The following BAZ2B variants were observed in gnomAD, a reference collection of about 807,000 sequenced individuals.
BAZ2B encodes the protein bromodomain adjacent to zinc finger domain 2B, also known as bromodomain adjacent to zinc finger domain protein 2B.
Under a neutral mutation model 246.0 loss-of-function variants are expected in BAZ2B, and 91 were observed. The observed-to-expected ratio is 0.37, with a 90% CI of 0.31 to 0.44. BAZ2B has a LOEUF of 0.44. Ranked by LOEUF, BAZ2B falls within the 20% of genes least tolerant of loss-of-function variation. The pLI, the probability that BAZ2B is intolerant of heterozygous loss-of-function variation, is 1.00. For missense variants in BAZ2B, 2,332 were observed against 2,533.7 expected, an observed-to-expected ratio of 0.92 and a Z score of 1.71; for synonymous variants, 855 against 860.0, an observed-to-expected ratio of 0.99 and a Z score of 0.10.
intron 2 of BAZ2B, among the ~76,000 whole-genome samples, chr2:159,550,791 C>T (rs1431871366): frequency 6.6e-6 from 1 of 150,632 alleles, no homozygotes; most frequent in Non-Finnish European, 1.5e-5. Context: ...TGTATCTCTA[C>T]AAAATTTAAG....
At position 159,320,295 on chromosome 2, in the gene BAZ2B, T is replaced by C; in HGVS notation, c.6477A>G (p.Lys2159=). 6.4e-7 allele frequency: 1 copy of C among 1,563,922 alleles called. No individual in the cohort carries two copies. The highest frequency in any genetic ancestry group is 1.4e-5 in the African/African-American group (1 of 71,226). ...TCACTTTGAAAGTATCTGTCCACTTTTTTTCAAAATACTTCCTCATATTGT... is the reference window on the plus strand; with the variant it reads ...TCACTTTGAAAGTATCTGTCCACTTCTTTTCAAAATACTTCCTCATATTGT... ...AGHNMRKYFE[K]KWTDTFKVS The change falls in exon 37 of 37, where the codon AAA becomes AAG. Residue 2159 remains lysine (K), a synonymous_variant. Coordinates refer to ENST00000392783, the MANE Select transcript of BAZ2B (RefSeq NM_013450.4).
chr2:159,642,569 T>C, the BAZ2B span, among the ~76,000 whole-genome samples: 1 of 152,126 alleles, frequency 6.6e-6, no homozygotes, highest in Non-Finnish European at 1.5e-5. Flanking sequence ...TGGGGGAAAT[T>C]ATAATTGTCC....
intron 1 of BAZ2B, among the ~76,000 whole-genome samples, chr2:159,595,165 T>TGACCTCGGCTCACCGC (rs1345265067): frequency 2.0e-5 from 3 of 151,960 alleles, no homozygotes; most frequent in Non-Finnish European, 4.4e-5. Context: ...TGCAATGGCA[T>TGACCTCGGCTCACCGC]GACCTCGGCT....
chr2:159,635,551 T>C, the BAZ2B span, among the ~76,000 whole-genome samples: 1 of 151,946 alleles, frequency 6.6e-6, no homozygotes, highest in Non-Finnish European at 1.5e-5. Flanking sequence ...TTGAAATGTA[T>C]GATGAAATTC....
At chr2:159,663,518 T>C in the BAZ2B span, among the ~76,000 whole-genome samples, 3 of 151,036 alleles carry the variant, frequency 2.0e-5, no homozygotes, top group East Asian at 5.8e-4. Context: ...CTAATGTTTT[T>C]TTTTTTTCTT....
At chr2:159,551,214 A>C (rs1259231185) in intron 2 of BAZ2B, among the ~76,000 whole-genome samples, 1 of 152,166 alleles carries the variant, frequency 6.6e-6, no homozygotes. Context: ...TCACGCCTAT[A>C]ATCCCAGCAC....
intron 1 of BAZ2B, among the ~76,000 whole-genome samples, chr2:159,579,971 G>T (rs1686334945): frequency 6.6e-6 from 1 of 152,148 alleles, no homozygotes; most frequent in South Asian, 2.1e-4. Flanking sequence ...CATACTGAAT[G>T]GGCAAAAACT....
At chr2:159,636,859 C>T in the BAZ2B span, among the ~76,000 whole-genome samples, 1 of 152,132 alleles carries the variant, frequency 6.6e-6, no homozygotes, top group Non-Finnish European at 1.5e-5. Flanking sequence ...AGCTCAATCA[C>T]AATAGGATAG....
chr2:159,334,901 T>G (rs2065369034), intron 33 of BAZ2B, among the ~76,000 whole-genome samples: 1 of 152,084 alleles, frequency 6.6e-6, no homozygotes, highest in Non-Finnish European at 1.5e-5. Flanking sequence ...GACTTAATCT[T>G]TTTTTTTCAG....
intron 2 of BAZ2B, among the ~76,000 whole-genome samples, chr2:159,505,418 G>A (rs1357367369): frequency 1.3e-5 from 2 of 152,174 alleles, no homozygotes; most frequent in Non-Finnish European, 2.9e-5. Context: ...GGGTGGGGAT[G>A]TAAGCATTAA....
In BAZ2B at chr2:159,412,540, C is replaced by T; in HGVS notation, c.2472G>A (p.Met824Ile). 6.2e-7 allele frequency: 1 copy of T among 1,612,552 alleles called. No individual in the cohort carries two copies. Among genetic ancestry groups the T allele is most frequent in the Non-Finnish European group, 8.5e-7 (1 of 1,179,142 alleles). ...CCTCTTCTTTCAAAAGACACCACTG[C>T]ATTCCCTTTTAATTAACATTTTATA... ...FYEARDGPQG[M>I]QWCLLKEEDV... Residue 824 changes from methionine to isoleucine, a missense_variant, in exon 14 of 37, where the codon ATG (methionine) becomes ATA (isoleucine). Coordinates refer to ENST00000392783, the MANE Select transcript of BAZ2B (RefSeq NM_013450.4).
chr2:159,447,649 A>G (rs2074444566), intron 5 of BAZ2B, among the ~76,000 whole-genome samples: 1 of 152,198 alleles, frequency 6.6e-6, no homozygotes, highest in Admixed American at 6.5e-5. Flanking sequence ...TACAGAGGAA[A>G]AAACAGTAGA....
chr2:159,526,788 A>C (rs1377184244), intron 2 of BAZ2B, among the ~76,000 whole-genome samples: 3 of 152,144 alleles, frequency 2.0e-5, no homozygotes, highest in Admixed American at 2.0e-4. Context: ...TTTAGTAAGG[A>C]GGTGAAACAC....
chr2:159,618,647 C>A (rs13395473), upstream of BAZ2B, among the ~76,000 whole-genome samples: 1 of 152,008 alleles, frequency 6.6e-6, no homozygotes, highest in African/African-American at 2.4e-5. Context: ...ATGGAATACA[C>A]TGATATTTCT....
At position 159,319,156 on chromosome 2, in the gene BAZ2B, T is replaced by C. The variant is rs992637260; in HGVS notation, c.*1109A>G. On this transcript the variant is annotated 3_prime_UTR_variant, in exon 37 of 37. Transcript: ENST00000392783. This position sits in a 1 kb window ranked among gnomAD's most constrained non-coding sequence, Gnocchi z 4.0. Reference sequence around the variant, plus strand: ...TCCAACAGGCCACCACAACACACAGTAGATAAAACACAGTGGTTACAAACG... The same window carrying C: ...TCCAACAGGCCACCACAACACACAGCAGATAAAACACAGTGGTTACAAACG... The C allele has an allele frequency of 2.6e-5, 4 of 152,502 alleles. No homozygotes were observed. The highest frequency in any genetic ancestry group is 9.7e-5 in the African/African-American group (4 of 41,400). The allele number at this position is 152,502 out of a possible 1,614,324, so 9.4% of individuals were successfully genotyped here.
chr2:159,613,972 A>T (rs1695282152), intron 1 of BAZ2B, among the ~76,000 whole-genome samples: 1 of 152,212 alleles, frequency 6.6e-6, no homozygotes, highest in South Asian at 2.1e-4. Flanking sequence ...TTTTCAATGT[A>T]TTCAGAATTG....
At position 159,513,127 on chromosome 2, in the gene BAZ2B, G is replaced by A. The variant is rs375164809; in HGVS notation, c.-2-34406C>T. Among the ~76,000 whole-genome samples the A allele has an allele frequency of 2.8e-4, 42 of 152,202 alleles. 1 individual carries two copies. The highest frequency in any genetic ancestry group is 6.2e-4 in the South Asian group (3 of 4,814). ...AAGCAGAAATACTATTTACATGACA[G>A]TACTAAAGTGAGAATCAACATATGT... On this transcript the variant is annotated intron_variant, in intron 2 of 36. Transcript: ENST00000392783.
chr2:159,680,689 T>C, the BAZ2B span, among the ~76,000 whole-genome samples: 1 of 152,212 alleles, frequency 6.6e-6, no homozygotes, highest in Admixed American at 6.5e-5. Flanking sequence ...TATTTGAAAC[T>C]ACAGGTAGCT....
intron 33 of BAZ2B, among the ~76,000 whole-genome samples, chr2:159,335,904 T>C (rs1339705987): frequency 6.6e-6 from 1 of 152,230 alleles, no homozygotes; most frequent in Non-Finnish European, 1.5e-5. Context: ...CTCACGCCTG[T>C]AATCCTAGCA....
Sources: allele counts gnomAD v4.1 joint callset (sites outside exome capture counted in the v4.1 genomes callset), GRCh38; gene constraint gnomAD v4.1.1; non-coding constraint Gnocchi (gnomAD v3.1); transcripts MANE v1.5; gene names NCBI Gene and HGNC (gene_info 2026-07-23, HGNC 2026-07-21).